DNAJC3: variants seen among roughly 807,000 people sequenced by gnomAD.
DNAJC3 encodes dnaJ homolog subfamily C member 3.
Under a neutral mutation model 68.6 loss-of-function variants are expected in DNAJC3, and 38 were observed. That is an observed-to-expected ratio of 0.55 (90% CI 0.43 to 0.73). The LOEUF is 0.73. DNAJC3 is among the 30% of genes least tolerant of loss of function. DNAJC3 has a pLI of 0.00. For synonymous variants in DNAJC3, 203 were observed against 204.0 expected, an observed-to-expected ratio of 1.00 and a Z score of 0.04; for missense variants, 526 against 591.9, an observed-to-expected ratio of 0.89 and a Z score of 1.16.
At chr13:95,787,989 CAA>C (rs1390988014) in intron 11 of DNAJC3, among the ~76,000 whole-genome samples, 5 of 151,122 alleles carry the variant, frequency 3.3e-5, no homozygotes, top group South Asian at 2.1e-4. Context: ...GCTAAACAAA[CAA>C]AAGAGAGGAA....
chr13:95,719,256 C>T (rs73550580), intron 2 of DNAJC3, among the ~76,000 whole-genome samples: 2,592 of 152,310 alleles, frequency 0.017, 79 homozygotes, highest in African/African-American at 0.059. Context: ...CTCTAGGAGC[C>T]TCCATGTTTT....
At position 95,725,163 on chromosome 13, in the gene DNAJC3, C is replaced by T; in HGVS notation, c.319-15C>T. 1.3e-6 allele frequency: 2 copies of T among 1,540,432 alleles called. No homozygotes were observed. The highest frequency in any genetic ancestry group is 1.7e-6 in the Non-Finnish European group (2 of 1,146,720). ...TATAATATTCAAGATAATCCTCTGCCCCCTTTTTTTCTAGGCAAGATTACA... is the reference window on the plus strand; with the variant it reads ...TATAATATTCAAGATAATCCTCTGCTCCCTTTTTTTCTAGGCAAGATTACA... On this transcript the variant is annotated splice_polypyrimidine_tract_variant and intron_variant, in intron 3 of 11. Transcript: ENST00000602402.
intron 7 of DNAJC3, among the ~76,000 whole-genome samples, chr13:95,762,177 G>A (rs17880258): frequency 6.6e-6 from 1 of 152,092 alleles, no homozygotes; most frequent in African/African-American, 2.4e-5. Context: ...TGGGAGAATC[G>A]CTTGAACCCG....
At chr13:95,718,071 C>T (rs1483566848) in intron 2 of DNAJC3, among the ~76,000 whole-genome samples, 1 of 152,070 alleles carries the variant, frequency 6.6e-6, no homozygotes, top group African/African-American at 2.4e-5. Context: ...AATCCATCTC[C>T]CATGTTCAAG....
intron 1 of DNAJC3, among the ~76,000 whole-genome samples, chr13:95,703,973 T>A (rs919433780): frequency 6.6e-6 from 1 of 152,190 alleles, no homozygotes; most frequent in African/African-American, 2.4e-5. Context: ...CCCTAGGCAA[T>A]CTTCTGGGTT....
rs371227869 is a variant in DNAJC3, at chr13:95,758,509, A to G, written c.546+713A>G. ...AGAAAATTAGCTGGGTGTGGTGTGC[A>G]TGCTTGTGATCCCAGCTACTCGGGA... On this transcript the variant is annotated intron_variant, in intron 5 of 11. Transcript: ENST00000602402. Among the ~76,000 whole-genome samples the G allele has an allele frequency of 3.3e-5, 5 of 151,502 alleles. No individual in the cohort carries two copies. The East Asian group carries it at 5.8e-4, about 18-fold the overall frequency.
At chr13:95,757,464 G>A (rs535663987) in intron 4 of DNAJC3, among the ~76,000 whole-genome samples, 180 bp from the exon 5 acceptor site, 4 of 152,160 alleles carry the variant, frequency 2.6e-5, no homozygotes, top group South Asian at 2.1e-4. Context: ...GGACCATATC[G>A]GTAGAAATCA....
intron 9 of DNAJC3, among the ~76,000 whole-genome samples, chr13:95,768,811 C>T (rs1883081343): frequency 6.6e-6 from 1 of 152,030 alleles, no homozygotes; most frequent in Admixed American, 6.6e-5. Context: ...CCTGTCTCTA[C>T]TAAAAATGCA....
rs377671478 is a variant in DNAJC3 at position 95,794,559 on chromosome 13, T to A, written c.*3529T>A. The A allele has an allele frequency of 6.6e-6, 1 of 152,258 alleles. No homozygotes were observed. Among genetic ancestry groups the A allele is most frequent in the Non-Finnish European group, 1.5e-5 (1 of 68,036 alleles). The allele number at this position is 152,258 out of a possible 1,614,324, so 9.4% of individuals were successfully genotyped here. A position where few individuals can be genotyped will look rare whatever the true frequency, so the allele number is the denominator to read the frequency against. ...AATCAGATCATTCCTTTTTTGTTAG[T>A]GGCAGTTTATCCTGTAATTTCAAAT... On this transcript the variant is annotated 3_prime_UTR_variant, in exon 12 of 12. Transcript: ENST00000602402.
At chr13:95,786,961 G>A (rs1188245984) in intron 10 of DNAJC3, 46 bp from the exon 11 acceptor site, 1 of 1,578,172 alleles carries the variant, frequency 6.3e-7, no homozygotes, top group African/African-American at 1.4e-5. Flanking sequence ...ATGATAGTAT[G>A]TTAGACACTT....
intron 9 of DNAJC3, among the ~76,000 whole-genome samples, chr13:95,778,213 A>G (rs573540232): frequency 4.6e-5 from 7 of 152,344 alleles, no homozygotes; most frequent in East Asian, 1.9e-4. Flanking sequence ...AAGTCTGACA[A>G]TCTTAAAAGA....
intron 4 of DNAJC3, among the ~76,000 whole-genome samples, chr13:95,737,341 G>C (rs1482522463): frequency 2.6e-5 from 4 of 152,204 alleles, no homozygotes; most frequent in Admixed American, 2.0e-4. Context: ...CTCATAAAAT[G>C]AGTTAGGGAG....
intron 4 of DNAJC3, among the ~76,000 whole-genome samples, chr13:95,741,834 T>C (rs1296890204): frequency 1.3e-5 from 2 of 152,124 alleles, no homozygotes; most frequent in African/African-American, 4.8e-5. Flanking sequence ...CCAATGGGTA[T>C]AGACTGGGCA....
At chr13:95,701,723 A>G (rs1342168791) in intron 1 of DNAJC3, among the ~76,000 whole-genome samples, 1 of 152,222 alleles carries the variant, frequency 6.6e-6, no homozygotes, top group African/African-American at 2.4e-5. Context: ...TTTCTCTCCT[A>G]TACCAGCCAC....
intron 1 of DNAJC3, among the ~76,000 whole-genome samples, chr13:95,691,861 C>T (rs1365456969): frequency 1.3e-5 from 2 of 152,186 alleles, no homozygotes; most frequent in Admixed American, 6.5e-5. Flanking sequence ...GAGACCAGCC[C>T]GGCCAACACA....
intron 9 of DNAJC3, among the ~76,000 whole-genome samples, chr13:95,765,629 T>C (rs955858501): frequency 1.3e-4 from 19 of 147,970 alleles, no homozygotes; most frequent in Admixed American, 4.2e-4. Flanking sequence ...TGGAGTGCAG[T>C]GGCACAATCT....
chr13:95,684,641 G>GGCATCTCA, intron 1 of DNAJC3, among the ~76,000 whole-genome samples: 1 of 152,212 alleles, frequency 6.6e-6, no homozygotes, highest in Non-Finnish European at 1.5e-5. Context: ...AGGGCTCCAA[G>GGCATCTCA]GCATCTCAGC....
At chr13:95,712,681 C>T (rs905727540) in intron 2 of DNAJC3, among the ~76,000 whole-genome samples, 2 of 152,136 alleles carry the variant, frequency 1.3e-5, no homozygotes, top group Non-Finnish European at 2.9e-5. Context: ...CTAGCCAGTG[C>T]AATTTGTATA....
At chr13:95,709,919 G>A (rs1374839173) in intron 2 of DNAJC3, among the ~76,000 whole-genome samples, 1 of 152,182 alleles carries the variant, frequency 6.6e-6, no homozygotes, top group Non-Finnish European at 1.5e-5. Flanking sequence ...GATTACAGGC[G>A]TGAGCCACTG....
Sources: allele counts gnomAD v4.1 joint callset (sites outside exome capture counted in the v4.1 genomes callset), GRCh38; gene constraint gnomAD v4.1.1; transcripts MANE v1.5; gene names NCBI Gene and HGNC (gene_info 2026-07-23, HGNC 2026-07-21).